The following LRRC1 variants were observed in gnomAD, a reference collection of about 807,000 sequenced individuals.
LRRC1 encodes the protein leucine rich repeat containing 1.
In LRRC1, 28 loss-of-function variants were observed where a neutral mutation model predicts 69.9. The ratio of observed to expected loss-of-function variants is 0.40; its 90% CI spans 0.30 to 0.55. The LOEUF (loss-of-function observed/expected upper bound fraction) is 0.55, where lower values mean the gene tolerates loss of function less well. Ranked by LOEUF, LRRC1 falls within the 20% of genes least tolerant of loss-of-function variation. The probability of loss-of-function intolerance (pLI) is 0.47; values close to 1 mark genes in which losing one functional copy is unlikely to be tolerated. For synonymous variants in LRRC1, 236 were observed against 240.2 expected, an observed-to-expected ratio of 0.98 and a Z score of 0.16; for missense variants, 498 against 609.0, an observed-to-expected ratio of 0.82 and a Z score of 1.92.
chr6:53,882,643 A>G (rs1286559897), intron 3 of LRRC1, among the ~76,000 whole-genome samples: 1 of 152,028 alleles, frequency 6.6e-6, no homozygotes, highest in East Asian at 1.9e-4. Flanking sequence ...TACTTTAATT[A>G]TTTCTAGATC....
At chr6:53,865,492 T>A (rs1766671172) in intron 2 of LRRC1, among the ~76,000 whole-genome samples, 2 of 152,106 alleles carry the variant, frequency 1.3e-5, no homozygotes, top group South Asian at 4.1e-4. Flanking sequence ...TGATTCCTGT[T>A]AGGGTTCCCT....
chr6:53,795,512 G>A lies in LRRC1; in HGVS notation c.159+97G>A, dbSNP rs73447761. On this transcript the variant is annotated intron_variant, in intron 1 of 13. Transcript: ENST00000370888. ...CCCCTCTTCCATCTCCGGGTCCGGCGTGAAGGAACCTTCCCTCTTTTATGC... is the reference window on the plus strand; with the variant it reads ...CCCCTCTTCCATCTCCGGGTCCGGCATGAAGGAACCTTCCCTCTTTTATGC... 6.9e-3 allele frequency: 8,805 copies of A among 1,278,204 alleles called. 458 individuals carry two copies. In the African/African-American group the frequency reaches 0.11, roughly 17 times the overall value. The allele number at this position is 1,278,204 out of a possible 1,614,324, so 79.2% of individuals were successfully genotyped here. A position where few individuals can be genotyped will look rare whatever the true frequency, so the allele number is the denominator to read the frequency against.
chr6:53,867,712 T>G (rs1766747210), intron 2 of LRRC1, among the ~76,000 whole-genome samples: 1 of 152,078 alleles, frequency 6.6e-6, no homozygotes, highest in South Asian at 2.1e-4. Context: ...CCAAACACTT[T>G]AGGAGGCTTA....
At chr6:53,816,382 C>T (rs976360507) in intron 1 of LRRC1, among the ~76,000 whole-genome samples, 12 of 151,280 alleles carry the variant, frequency 7.9e-5, no homozygotes, top group South Asian at 2.1e-4. Context: ...GAGTTCATTA[C>T]GTGACAGAAT....
Position 53,919,592 on chromosome 6 carries a change from G to A in LRRC1, c.1201G>A (p.Asp401Asn). 2 of 1,613,718 alleles carry A rather than the reference G, an allele frequency of 1.2e-6. No individual in the cohort carries two copies. Among genetic ancestry groups the A allele is most frequent in the Non-Finnish European group, 1.7e-6 (2 of 1,179,958 alleles). ...CCAGCCCCTGCTTACATTCCAGACA[G>A]ACACAGACTACACCACAGGAGAGAA... ...QSQPLLTFQT[D>N]TDYTTGEKIL... Residue 401 changes from aspartate to asparagine, a missense_variant, in exon 12 of 14, where the codon GAC becomes AAC. Transcript: ENST00000370888.
rs1768781114 is a variant in LRRC1 at position 53,922,860 on chromosome 6, G to A, written c.*67G>A. On this transcript the variant is annotated 3_prime_UTR_variant, in exon 14 of 14. Transcript: ENST00000370888. ...GTCGAGACGTTCCTGTCTGCTTCCCGGGAGCCTCACGTGCTCCTTGTCCTA... is the reference window on the plus strand; with the variant it reads ...GTCGAGACGTTCCTGTCTGCTTCCCAGGAGCCTCACGTGCTCCTTGTCCTA... 1.4e-5 allele frequency: 21 copies of A among 1,518,776 alleles called. No homozygotes were observed. The highest frequency in any genetic ancestry group is 2.3e-5 in the East Asian group (1 of 44,192). The allele number at this position is 1,518,776 out of a possible 1,614,324, so 94.1% of individuals were successfully genotyped here.
At chr6:53,851,955 A>G (rs1766151447) in intron 2 of LRRC1, among the ~76,000 whole-genome samples, 1 of 152,244 alleles carries the variant, frequency 6.6e-6, no homozygotes, top group Non-Finnish European at 1.5e-5. Flanking sequence ...TGAAGTTTTA[A>G]AAACTACATT....
chr6:53,836,617 G>A (rs752564187), intron 1 of LRRC1, among the ~76,000 whole-genome samples: 2 of 152,054 alleles, frequency 1.3e-5, no homozygotes, highest in African/African-American at 2.4e-5. Context: ...TTCCTAATTA[G>A]TAAGTAGTCT....
At chr6:53,897,387 C>G (rs1175944204) in intron 7 of LRRC1, 28 bp downstream of exon 7, 2 of 1,476,132 alleles carry the variant, frequency 1.4e-6, no homozygotes, top group Non-Finnish European at 9.4e-7. Context: ...AGTGTCTCCC[C>G]AAAACATAAA....
intron 1 of LRRC1, among the ~76,000 whole-genome samples, chr6:53,813,931 G>C (rs1331360131): frequency 6.6e-6 from 1 of 152,158 alleles, no homozygotes; most frequent in African/African-American, 2.4e-5. Context: ...TGGCTCAAAG[G>C]AACTGCAGAT....
intron 6 of LRRC1, 121 bp downstream of exon 6, chr6:53,897,013 C>G: frequency 1.4e-6 from 1 of 691,738 alleles, no homozygotes; most frequent in Middle Eastern, 3.9e-4. Flanking sequence ...CTTGGGGACA[C>G]TAGAGAACCA....
At chr6:53,845,549 A>C (rs1765916553) in intron 2 of LRRC1, among the ~76,000 whole-genome samples, 1 of 152,090 alleles carries the variant, frequency 6.6e-6, no homozygotes, top group South Asian at 2.1e-4. Flanking sequence ...TCTGATCAGA[A>C]GCTGTTCCTT....
chr6:53,915,270 T>TA (rs1244245219), intron 11 of LRRC1, among the ~76,000 whole-genome samples: 1 of 152,198 alleles, frequency 6.6e-6, no homozygotes, highest in African/African-American at 2.4e-5. Context: ...TAATGGATTA[T>TA]AGACAGCAGG....
chr6:53,810,365 A>G (rs1764756364), intron 1 of LRRC1, among the ~76,000 whole-genome samples: 1 of 152,226 alleles, frequency 6.6e-6, no homozygotes, highest in Admixed American at 6.5e-5. Flanking sequence ...TCACACCTGT[A>G]ATCCCAGCAC....
At position 53,888,042 on chromosome 6, in the gene LRRC1, A is replaced by G. The variant is rs9463993; in HGVS notation, c.446+5066A>G. Among the ~76,000 whole-genome samples the G allele has an allele frequency of 1.9e-3, 291 of 152,342 alleles. 2 individuals are homozygous for G. The highest frequency in any genetic ancestry group is 6.6e-3 in the African/African-American group (275 of 41,576). Reference sequence around the variant, plus strand: ...TTCCACTGGTAAGGCCAGGAAGGATAATTTTTGCTTTAAGGAGTTTTGAAA... The same window carrying G: ...TTCCACTGGTAAGGCCAGGAAGGATGATTTTTGCTTTAAGGAGTTTTGAAA... On this transcript the variant is annotated intron_variant, in intron 4 of 13. Coordinates refer to ENST00000370888, the MANE Select transcript of LRRC1 (RefSeq NM_018214.5).
chr6:53,821,514 T>G (rs1441430507), intron 1 of LRRC1, among the ~76,000 whole-genome samples: 1 of 152,218 alleles, frequency 6.6e-6, no homozygotes, highest in Non-Finnish European at 1.5e-5. Context: ...GTCACCTGGC[T>G]CAGGGACTCA....
intron 2 of LRRC1, among the ~76,000 whole-genome samples, chr6:53,851,125 C>T (rs756121315): frequency 6.6e-6 from 1 of 151,704 alleles, no homozygotes; most frequent in African/African-American, 2.4e-5. Flanking sequence ...CCACTGATCA[C>T]ACTCAAGCCT....
Position 53,795,324 on chromosome 6 carries a change from C to T in LRRC1, c.68C>T (p.Ser23Leu), listed in dbSNP as rs772684052. Residue 23 changes from serine to leucine, a missense_variant, in exon 1 of 14, where the codon TCG becomes TTG. Ser to Leu is a moderately radical substitution (Grantham distance 145, BLOSUM62 -2). Transcript: ENST00000370888. Reference sequence around the variant, plus strand: ...GAGAGCATCGACAAGCGCCACTGCTCGCTGGTCTACGTCCCCGAGGAGATC... The same window carrying T: ...GAGAGCATCGACAAGCGCCACTGCTTGCTGGTCTACGTCCCCGAGGAGATC... ...HVESIDKRHC[S>L]LVYVPEEIYR... The T allele has an allele frequency of 9.3e-6, 15 of 1,613,574 alleles. No homozygotes were observed. The highest frequency in any genetic ancestry group is 1.2e-5 in the Non-Finnish European group (14 of 1,179,930).
At chr6:53,805,591 G>C (rs1264713858) in intron 1 of LRRC1, among the ~76,000 whole-genome samples, 2 of 152,170 alleles carry the variant, frequency 1.3e-5, no homozygotes, top group East Asian at 3.9e-4. Flanking sequence ...TAGGTAACTA[G>C]TCTTTCATTG....
Sources: gnomAD v4.1 joint callset for allele counts (sites outside exome capture counted in the v4.1 genomes callset) on GRCh38, gnomAD v4.1.1 for gene constraint, MANE v1.5 for transcripts, NCBI Gene and HGNC (gene_info 2026-07-23, HGNC 2026-07-21) for gene names.